FARS2: variants seen among roughly 807,000 people sequenced by gnomAD.
FARS2 encodes the protein phenylalanine--tRNA ligase, mitochondrial.
In FARS2, 40 loss-of-function variants were observed where a neutral mutation model predicts 46.4. That is an observed-to-expected ratio of 0.86 (90% CI 0.67 to 1.12). FARS2 has a LOEUF of 1.12. Ranked by LOEUF, FARS2 falls within the 50% of genes most tolerant of loss-of-function variation. The probability of loss-of-function intolerance (pLI) is 0.00; values close to 1 mark genes in which losing one functional copy is unlikely to be tolerated. For synonymous variants in FARS2, 234 were observed against 214.9 expected (o/e 1.09, Z -0.78); for missense variants, 513 against 567.9 (o/e 0.90, Z 0.98).
intron 6 of FARS2, among the ~76,000 whole-genome samples, chr6:5,738,858 A>G (rs1761119309): frequency 6.6e-6 from 1 of 151,960 alleles, no homozygotes; most frequent in African/African-American, 2.4e-5. Flanking sequence ...GGTTTTTTTC[A>G]TTTTCTAGAA....
rs2432777 is a variant in FARS2, at chr6:5,404,354, C to T, written c.613-188C>T. Among the ~76,000 whole-genome samples, 9,866 of 152,230 alleles carry T rather than the reference C, an allele frequency of 0.065. 620 individuals are homozygous for T. Among genetic ancestry groups the T allele is most frequent in the African/African-American group, 0.16 (6,607 of 41,514 alleles). The stretch of plus-strand genomic sequence containing the variant: ...TCTAAAAACCCCCCATACCATGTAG[C>T]GTAGTGTTTTCTTCAGAGTTGTACT... On this transcript the variant is annotated intron_variant, in intron 2 of 6. Transcript: ENST00000274680.
At chr6:5,316,657 C>G (rs1769538156) in intron 1 of FARS2, among the ~76,000 whole-genome samples, 1 of 152,150 alleles carries the variant, frequency 6.6e-6, no homozygotes, top group African/African-American at 2.4e-5. Flanking sequence ...CATGCACTGG[C>G]TTTGAGAGTT....
intron 6 of FARS2, among the ~76,000 whole-genome samples, chr6:5,741,697 C>A (rs1374781747): frequency 6.6e-6 from 1 of 152,262 alleles, no homozygotes; most frequent in African/African-American, 2.4e-5. Flanking sequence ...GTCGCCCAGG[C>A]TGGAGTGCAG....
At chr6:5,423,586 T>C (rs1762681835) in intron 3 of FARS2, among the ~76,000 whole-genome samples, 1 of 152,116 alleles carries the variant, frequency 6.6e-6, no homozygotes, top group African/African-American at 2.4e-5. Flanking sequence ...TTGCTTTGTG[T>C]TTGTCTTAGC....
intron 1 of FARS2, among the ~76,000 whole-genome samples, chr6:5,310,298 G>T (rs1183865262): frequency 2.6e-5 from 4 of 151,896 alleles, no homozygotes; most frequent in Non-Finnish European, 4.4e-5. Context: ...AACATGAGTA[G>T]ATTTATTAAT....
At chr6:5,498,953 A>G (rs1299405676) in intron 4 of FARS2, among the ~76,000 whole-genome samples, 1 of 152,000 alleles carries the variant, frequency 6.6e-6, no homozygotes. Context: ...GCTGGAGTGC[A>G]GTGGTGCCAT....
intron 6 of FARS2, among the ~76,000 whole-genome samples, chr6:5,734,358 C>T (rs769655698): frequency 1.3e-5 from 2 of 152,230 alleles, no homozygotes; most frequent in African/African-American, 4.8e-5. Context: ...TTCTTTAGGA[C>T]TTCAAGCACA....
intron 6 of FARS2, among the ~76,000 whole-genome samples, chr6:5,663,679 A>G (rs538061796): frequency 2.6e-5 from 4 of 152,304 alleles, no homozygotes; most frequent in Non-Finnish European, 4.4e-5. Flanking sequence ...CGCGGGCTCC[A>G]TGGCAGATTT....
At chr6:5,514,800 T>G (rs571243093) in intron 4 of FARS2, among the ~76,000 whole-genome samples, 5 of 151,388 alleles carry the variant, frequency 3.3e-5, no homozygotes, top group Non-Finnish European at 7.4e-5. Flanking sequence ...GGAGTCTCAC[T>G]GTGTTGCCTA....
chr6:5,689,288 G>A (rs1757498398), intron 6 of FARS2, among the ~76,000 whole-genome samples: 1 of 152,172 alleles, frequency 6.6e-6, no homozygotes, highest in African/African-American at 2.4e-5. Flanking sequence ...TAATTGTGAT[G>A]TTAGGGTGTC....
intron 4 of FARS2, among the ~76,000 whole-genome samples, chr6:5,501,373 C>G (rs774395422): frequency 1.3e-4 from 20 of 152,186 alleles, no homozygotes; most frequent in Non-Finnish European, 2.4e-4. Context: ...ATTTTCTTAA[C>G]AGAGCCATTA....
At chr6:5,671,729 G>A (rs191766956) in intron 6 of FARS2, among the ~76,000 whole-genome samples, 1 of 152,302 alleles carries the variant, frequency 6.6e-6, no homozygotes, top group Admixed American at 6.5e-5. Flanking sequence ...AGAGTTTTTA[G>A]ATTAGATTTT....
intron 1 of FARS2, among the ~76,000 whole-genome samples, chr6:5,336,639 T>C (rs1771180409): frequency 6.6e-6 from 1 of 152,198 alleles, no homozygotes; most frequent in Non-Finnish European, 1.5e-5. Flanking sequence ...TCATTTATCC[T>C]TGAGTTACAA....
intron 6 of FARS2, among the ~76,000 whole-genome samples, chr6:5,634,396 G>A (rs1032369543): frequency 1.6e-4 from 25 of 152,140 alleles, no homozygotes; most frequent in African/African-American, 6.0e-4. Flanking sequence ...TTGACCTTCC[G>A]GGCTCAAGCA....
At chr6:5,365,892 T>C (rs1758644911) in intron 1 of FARS2, among the ~76,000 whole-genome samples, 1 of 152,168 alleles carries the variant, frequency 6.6e-6, no homozygotes, top group Non-Finnish European at 1.5e-5. Context: ...GTATTTACTA[T>C]TTATTAAGTG....
At chr6:5,563,934 T>C (rs1772167075) in intron 5 of FARS2, among the ~76,000 whole-genome samples, 1 of 152,232 alleles carries the variant, frequency 6.6e-6, no homozygotes, top group Non-Finnish European at 1.5e-5. Flanking sequence ...TTTAAGTACC[T>C]GTAGATTTTC....
chr6:5,711,344 A>G (rs1023026754), intron 6 of FARS2, among the ~76,000 whole-genome samples: 2 of 152,220 alleles, frequency 1.3e-5, no homozygotes, highest in Non-Finnish European at 2.9e-5. Context: ...CATGCACAGG[A>G]ATTCCAAGTA....
intron 6 of FARS2, among the ~76,000 whole-genome samples, chr6:5,678,433 T>C (rs1778871255): frequency 6.6e-6 from 1 of 152,198 alleles, no homozygotes; most frequent in South Asian, 2.1e-4. Context: ...AAGAGGGTAC[T>C]TGTTGGCTGG....
At chr6:5,415,310 CTTTTTTTTTTTT>C (rs773981175) in intron 3 of FARS2, among the ~76,000 whole-genome samples, 1 of 53,636 alleles carries the variant, frequency 1.9e-5, no homozygotes, top group South Asian at 7.7e-4. Context: ...CTTTTCTTTT[CTTTTTTTTTTTT>C]TTTTTTTTTT....
Sources: gnomAD v4.1 joint callset for allele counts (sites outside exome capture counted in the v4.1 genomes callset) on GRCh38, gnomAD v4.1.1 for gene constraint, MANE v1.5 for transcripts, NCBI Gene and HGNC (gene_info 2026-07-23, HGNC 2026-07-21) for gene names.